CAST: variants seen among roughly 807,000 people sequenced by gnomAD.
CAST encodes calpastatin, also known as MIR583 host.
Under a neutral mutation model 119.6 loss-of-function variants are expected in CAST, and 76 were observed. The ratio of observed to expected loss-of-function variants is 0.64; its 90% CI spans 0.53 to 0.77. The LOEUF is 0.77. Among genes scored for constraint, CAST ranks in the 30% least tolerant of loss-of-function variants. CAST has a pLI of 0.00. For synonymous variants in CAST, 319 were observed against 331.6 expected (o/e 0.96, Z 0.41); for missense variants, 953 against 946.5 (o/e 1.01, Z -0.09).
chr5:96,514,064 G>A, the CAST span, among the ~76,000 whole-genome samples: 3 of 152,134 alleles, frequency 2.0e-5, no homozygotes, highest in South Asian at 2.1e-4. Flanking sequence ...CACCAGTCAC[G>A]TTGGATGAAA....
chr5:96,632,071 T>A (rs186542473), intron 1 of CAST, among the ~76,000 whole-genome samples: 12 of 149,678 alleles, frequency 8.0e-5, no homozygotes, highest in Admixed American at 6.0e-4. Flanking sequence ...GGGTATGAAG[T>A]GATGTAGCAT....
At chr5:96,741,923 A>G in intron 15 of CAST, 1 of 204,420 alleles carries the variant, frequency 4.9e-6, no homozygotes, top group Non-Finnish European at 1.0e-5. Flanking sequence ...CCTGAGGATC[A>G]CTAGAGGGAC....
chr5:96,210,921 A>AT, the CAST span, among the ~76,000 whole-genome samples: 9 of 151,784 alleles, frequency 5.9e-5, no homozygotes, highest in Non-Finnish European at 7.4e-5. Context: ...CAAGTACTTC[A>AT]TTTTTTGAGT....
the CAST span, among the ~76,000 whole-genome samples, chr5:96,249,997 C>T: frequency 5.9e-5 from 9 of 152,262 alleles, no homozygotes; most frequent in Middle Eastern, 6.8e-3. Context: ...TTTCACCTAT[C>T]CTCCTGGTTT....
the CAST span, among the ~76,000 whole-genome samples, chr5:95,973,914 C>A: frequency 6.6e-6 from 1 of 151,992 alleles, no homozygotes; most frequent in Non-Finnish European, 1.5e-5. Context: ...CTTCTTGTAG[C>A]CTTTCCCTGT....
chr5:96,140,080 TTC>T, the CAST span, among the ~76,000 whole-genome samples: 1 of 152,200 alleles, frequency 6.6e-6, no homozygotes, highest in Non-Finnish European at 1.5e-5. Flanking sequence ...ATGATGGCTG[TTC>T]TTCTTTGTCA....
At chr5:96,740,347 T>C (rs1215940848) in intron 12 of CAST, among the ~76,000 whole-genome samples, 1 of 152,164 alleles carries the variant, frequency 6.6e-6, no homozygotes, top group African/African-American at 2.4e-5. Context: ...GCTGGAAGTC[T>C]AGAATCAAGG....
At chr5:96,053,583 T>C in the CAST span, among the ~76,000 whole-genome samples, 1 of 152,192 alleles carries the variant, frequency 6.6e-6, no homozygotes, top group Non-Finnish European at 1.5e-5. Context: ...TTTTGCAATT[T>C]AAAAAATCGG....
the CAST span, among the ~76,000 whole-genome samples, chr5:96,273,614 T>C: frequency 1.2e-4 from 18 of 152,372 alleles, no homozygotes; most frequent in East Asian, 3.5e-3. Flanking sequence ...TCTTATACTT[T>C]CAGGCATGTA....
At chr5:96,673,429 G>C (rs1750352162) in intron 1 of CAST, among the ~76,000 whole-genome samples, 1 of 152,218 alleles carries the variant, frequency 6.6e-6, no homozygotes, top group Non-Finnish European at 1.5e-5. Context: ...GCTGAATGTG[G>C]AAGCAAAGTG....
chr5:96,168,982 A>G, the CAST span, among the ~76,000 whole-genome samples: 1 of 152,332 alleles, frequency 6.6e-6, no homozygotes, highest in Non-Finnish European at 1.5e-5. Flanking sequence ...ACACGCAGAC[A>G]TGAGGGCTAG....
At chr5:96,485,997 T>G in the CAST span, among the ~76,000 whole-genome samples, 6 of 152,162 alleles carry the variant, frequency 3.9e-5, no homozygotes, top group Non-Finnish European at 7.4e-5. Context: ...TGGTGGTCCC[T>G]GAGACCACAG....
chr5:95,984,857 A>T, the CAST span, among the ~76,000 whole-genome samples: 1 of 152,066 alleles, frequency 6.6e-6, no homozygotes, highest in Non-Finnish European at 1.5e-5. Context: ...AAGAGATAGT[A>T]TCAAAATATT....
At chr5:96,386,752 G>A in the CAST span, among the ~76,000 whole-genome samples, 1 of 152,170 alleles carries the variant, frequency 6.6e-6, no homozygotes, top group African/African-American at 2.4e-5. Context: ...ATCACTTGAG[G>A]CCAGGAGTTT....
chr5:96,324,456 C>G, the CAST span, among the ~76,000 whole-genome samples: 3 of 152,164 alleles, frequency 2.0e-5, no homozygotes, highest in African/African-American at 7.2e-5. Flanking sequence ...TAACAATTCT[C>G]CCTTAGCCTT....
intron 3 of CAST, among the ~76,000 whole-genome samples, chr5:96,706,898 G>A (rs1018873766): frequency 3.9e-5 from 6 of 152,256 alleles, no homozygotes; most frequent in Non-Finnish European, 7.3e-5. Flanking sequence ...ATTTTGTCCT[G>A]GGGCTCTACG....
At chr5:96,417,956 AAG>A in the CAST span, among the ~76,000 whole-genome samples, 1 of 152,244 alleles carries the variant, frequency 6.6e-6, no homozygotes, top group African/African-American at 2.4e-5. Flanking sequence ...GATGGGAGAC[AAG>A]GCTCAGGTCA....
At chr5:96,418,997 C>T in the CAST span, among the ~76,000 whole-genome samples, 4 of 152,030 alleles carry the variant, frequency 2.6e-5, no homozygotes, top group Non-Finnish European at 4.4e-5. Context: ...CCACAGCAAA[C>T]ACTTACTTAA....
the CAST span, among the ~76,000 whole-genome samples, chr5:96,065,419 G>GTA: frequency 0.025 from 2,210 of 88,088 alleles, 44 homozygotes; most frequent in African/African-American, 0.084. Flanking sequence ...GTGTGTGTGT[G>GTA]TGTGTGTGTG....
Sources: allele counts gnomAD v4.1 joint callset (sites outside exome capture counted in the v4.1 genomes callset), GRCh38; gene constraint gnomAD v4.1.1; transcripts MANE v1.5; gene names NCBI Gene and HGNC (gene_info 2026-07-23, HGNC 2026-07-21).